AHI1: variants seen among roughly 807,000 people sequenced by gnomAD.
AHI1 encodes the protein Abelson helper integration site 1, also known as jouberin.
A neutral mutation model predicts 149.3 loss-of-function variants in AHI1; 123 were observed. The ratio of observed to expected loss-of-function variants is 0.82; its 90% confidence interval spans 0.71 to 0.96. AHI1 has a LOEUF of 0.96. Ranked by LOEUF, AHI1 falls within the 40% of genes least tolerant of loss-of-function variation. AHI1 has a pLI of 0.00. For synonymous variants in AHI1, 475 were observed against 459.8 expected (o/e 1.03, Z -0.42); for missense variants, 1,439 against 1,422.7 (o/e 1.01, Z -0.18).
rs761997683 is a variant in AHI1, at chr6:135,482,894, C to CTTTTTTTTTTTTTTTTTTTTT, written c.135+7728_135+7729insAAAAAAAAAAAAAAAAAAAAA. ...TTCAACCAGTATAATCCATTTAAGG[C>CTTTTTTTTTTTTTTTTTTTTT]TTTTTTTTTTTTTTTGAGACAGAGT... is the stretch of plus-strand genomic sequence containing the variant. On this transcript the variant is annotated intron_variant, in intron 5 of 28. Coordinates refer to ENST00000265602, the MANE Select transcript of AHI1 (RefSeq NM_001134831.2). Among the ~76,000 whole-genome samples, 296 of 55,734 alleles carry CTTTTTTTTTTTTTTTTTTTTT rather than the reference C, an allele frequency of 5.3e-3. 116 individuals carry two copies. Among genetic ancestry groups the CTTTTTTTTTTTTTTTTTTTTT allele is most frequent in the African/African-American group, 0.01 (109 of 10,788 alleles). 36.6% of individuals were successfully genotyped at this position (55,734 alleles called of 152,430 possible). A position where few individuals can be genotyped will look rare whatever the true frequency, so the allele number is the denominator to read the frequency against.
chr6:135,471,382 A>T (rs1791666381), intron 5 of AHI1, among the ~76,000 whole-genome samples: 1 of 152,142 alleles, frequency 6.6e-6, no homozygotes, highest in African/African-American at 2.4e-5. Flanking sequence ...CTTTCATAGC[A>T]TTACACTGAC....
At chr6:135,467,131 G>C (rs964016188) in intron 6 of AHI1, among the ~76,000 whole-genome samples, 5 of 152,174 alleles carry the variant, frequency 3.3e-5, no homozygotes, top group Non-Finnish European at 7.3e-5. Context: ...AGCAAAGAGA[G>C]AAAGGGCAGT....
intron 5 of AHI1, among the ~76,000 whole-genome samples, chr6:135,475,930 TAAAAA>T (rs1386185434): frequency 5.9e-5 from 9 of 152,212 alleles, no homozygotes; most frequent in African/African-American, 1.9e-4. Flanking sequence ...ATTACTCTTT[TAAAAA>T]ATTACATTTG....
In AHI1 at chr6:135,349,237, C is replaced by T. The variant is rs186469940; in HGVS notation, c.3165+8895G>A. 8.5e-5 allele frequency among the ~76,000 whole-genome samples: 13 copies of T among 152,328 alleles called. No homozygotes were observed. In the South Asian group the frequency reaches 1.2e-3, roughly 15 times the overall value. ...TCTTGGCCTCAAGCGATCCTCCCGC[C>T]TCAGCCTCTCAAAGTGCTGGCAGGC... On this transcript the variant is annotated intron_variant, in intron 24 of 28. Coordinates refer to ENST00000265602, the MANE Select transcript of AHI1 (RefSeq NM_001134831.2).
intron 20 of AHI1, among the ~76,000 whole-genome samples, chr6:135,416,143 C>T (rs1782344237): frequency 6.6e-6 from 1 of 151,840 alleles, no homozygotes; most frequent in Admixed American, 6.6e-5. Context: ...TCAATTATAC[C>T]TCAATAAAGC....
intron 20 of AHI1, among the ~76,000 whole-genome samples, chr6:135,412,968 A>C (rs1011955158): frequency 3.9e-5 from 6 of 152,304 alleles, no homozygotes; most frequent in Non-Finnish European, 8.8e-5. Flanking sequence ...AAAGGTTAAT[A>C]ATTGTCAACA....
At position 135,457,717 on chromosome 6, in the gene AHI1, C is replaced by G. The variant is rs748527294; in HGVS notation, c.932-4G>C. ...ACATCTTCATTATTATCTGCAACTA[C>G]ACGCATGGAAAAAAAAATCAATGTT... On this transcript the variant is annotated splice_polypyrimidine_tract_variant and splice_region_variant and intron_variant, in intron 8 of 28. Coordinates refer to ENST00000265602, the MANE Select transcript of AHI1 (RefSeq NM_001134831.2). 15 of 1,611,996 alleles carry G rather than the reference C, an allele frequency of 9.3e-6. No individual in the cohort carries two copies. The South Asian group carries it at 1.6e-4, about 18-fold the overall frequency.
Position 135,453,366 on chromosome 6 carries a change from C to T in AHI1, c.1415G>A (p.Arg472Gln), listed in dbSNP as rs770605375. The change falls in exon 11 of 29, where the codon CGG (arginine) becomes CAG (glutamine). Residue 472 changes from arginine to glutamine, a missense_variant. Transcript: ENST00000265602. ...SEVQNQECGFRKIAWAFLKLL... is the reference protein window; with the variant it reads ...SEVQNQECGFQKIAWAFLKLL... ...CTTAAGAAATGCCCAGGCAATTTTC[C>T]GAAAGCCACATTCTTGGTTTTGAAC... 3.5e-5 allele frequency: 54 copies of T among 1,561,722 alleles called. No homozygotes were observed. The African/African-American group carries it at 3.5e-4, about 10-fold the overall frequency.
chr6:135,406,493 C>T (rs1315740823), intron 21 of AHI1, among the ~76,000 whole-genome samples: 4 of 152,144 alleles, frequency 2.6e-5, no homozygotes, highest in Admixed American at 6.5e-5. Context: ...GAATAATACT[C>T]AACCCTATAG....
intron 21 of AHI1, among the ~76,000 whole-genome samples, chr6:135,408,125 A>G (rs1354854911): frequency 6.6e-6 from 1 of 152,114 alleles, no homozygotes; most frequent in Admixed American, 6.6e-5. Flanking sequence ...GATGACAGGT[A>G]TATAAAATGA....
At chr6:135,352,096 A>G (rs1248226319) in intron 24 of AHI1, among the ~76,000 whole-genome samples, 1 of 152,100 alleles carries the variant, frequency 6.6e-6, no homozygotes, top group Non-Finnish European at 1.5e-5. Context: ...ATCACCACAA[A>G]TGTAGATTTC....
chr6:135,453,540 T>C, intron 10 of AHI1, 104 bp from the exon 11 acceptor site: 1 of 824,404 alleles, frequency 1.2e-6, no homozygotes, highest in Non-Finnish European at 1.9e-6. Context: ...TTAAAAACAT[T>C]AACCTTTACA....
intron 20 of AHI1, among the ~76,000 whole-genome samples, chr6:135,421,963 A>G (rs1270917046): frequency 6.6e-6 from 1 of 152,136 alleles, no homozygotes; most frequent in Non-Finnish European, 1.5e-5. Flanking sequence ...TAAGTATGAG[A>G]ATTATGTTAT....
At chr6:135,341,723 G>A (rs1412182881) in intron 24 of AHI1, among the ~76,000 whole-genome samples, 2 of 151,694 alleles carry the variant, frequency 1.3e-5, no homozygotes, top group Non-Finnish European at 3.0e-5. Flanking sequence ...AATAACCACT[G>A]GGTCCAAAAA....
chr6:135,481,380 G>C (rs1205168036), intron 5 of AHI1, among the ~76,000 whole-genome samples: 1 of 152,104 alleles, frequency 6.6e-6, no homozygotes, highest in Non-Finnish European at 1.5e-5. Context: ...AAGTGTTTCA[G>C]ATTTCTTTGG....
chr6:135,438,069 A>G (rs1303628744), intron 15 of AHI1, among the ~76,000 whole-genome samples: 2 of 152,166 alleles, frequency 1.3e-5, no homozygotes, highest in Non-Finnish European at 2.9e-5. Context: ...ATGCTCTAGG[A>G]AAAAATCTCA....
chr6:135,401,802 C>T (rs1391184013), intron 22 of AHI1, among the ~76,000 whole-genome samples: 1 of 151,952 alleles, frequency 6.6e-6, no homozygotes, highest in African/African-American at 2.4e-5. Flanking sequence ...TATTACAACA[C>T]AAAAAGCACA....
chr6:135,304,068 G>A (rs1484122491), intron 26 of AHI1, among the ~76,000 whole-genome samples: 6 of 152,248 alleles, frequency 3.9e-5, no homozygotes, highest in East Asian at 3.9e-4. Context: ...ACAGGATCTC[G>A]CTCTGTCACT....
chr6:135,286,529 G>A (rs940641396), intron 28 of AHI1: 4 of 152,226 alleles, frequency 2.6e-5, no homozygotes, highest in Non-Finnish European at 5.9e-5. Flanking sequence ...CCACTCCTGA[G>A]AAAAGTGACA....
Sources: gnomAD v4.1 joint callset for allele counts (sites outside exome capture counted in the v4.1 genomes callset) on GRCh38, gnomAD v4.1.1 for gene constraint, MANE v1.5 for transcripts, NCBI Gene and HGNC (gene_info 2026-07-23, HGNC 2026-07-21) for gene names.